Variants in ASB18 observed in about 807,000 individuals in gnomAD.
The protein encoded by ASB18 is ankyrin repeat and SOCS box protein 18.
Under a neutral mutation model 33.4 loss-of-function variants are expected in ASB18, and 33 were observed. The observed-to-expected ratio is 0.99, with a 90% confidence interval of 0.75 to 1.32. ASB18 has a LOEUF of 1.32. Ranked by LOEUF, ASB18 falls within the 40% of genes most tolerant of loss-of-function variation. The pLI, the probability that ASB18 is intolerant of heterozygous loss-of-function variation, is 0.00. For synonymous variants in ASB18, 295 were observed against 307.6 expected, an observed-to-expected ratio of 0.96 and a Z score of 0.43; for missense variants, 694 against 655.5, an observed-to-expected ratio of 1.06 and a Z score of -0.64.
chr2:236,234,728 T>C lies in ASB18; in HGVS notation c.596+2961A>G, dbSNP rs115173261. ...CTAACAGTGCTGGAACTGTCAGATA[T>C]CCACATGCAAAAATAAATAAAAAAG... On this transcript the variant is annotated intron_variant, in intron 3 of 5. Transcript: ENST00000409749. This position sits in a 1 kb window ranked among gnomAD's most constrained non-coding sequence, Gnocchi z 4.1. Among the ~76,000 whole-genome samples the C allele has an allele frequency of 7.1e-3, 1,074 of 152,300 alleles. 12 individuals carry two copies. Among genetic ancestry groups the C allele is most frequent in the African/African-American group, 0.024 (1,012 of 41,544 alleles).
At position 236,250,040 on chromosome 2, in the gene ASB18, G is replaced by C. The variant is rs1463286733; in HGVS notation, c.206-8638C>G. On this transcript the variant is annotated intron_variant, in intron 1 of 5. Transcript: ENST00000409749. This position sits in a 1 kb window ranked among gnomAD's most constrained non-coding sequence, Gnocchi z 4.1. ...GTCCTATAGTGTAGGTAGCTAATGA[G>C]AAGGAGTTTTTGCCTCTGGATCAAA... 1 of 152,224 alleles carries C rather than the reference G, an allele frequency of 6.6e-6. No homozygotes were observed. Among genetic ancestry groups the C allele is most frequent in the Admixed American group, 6.5e-5 (1 of 15,286 alleles). The allele number at this position is 152,224 out of a possible 1,614,324, so 9.4% of individuals were successfully genotyped here.
intron 3 of ASB18, among the ~76,000 whole-genome samples, chr2:236,230,008 A>G (rs2060557310): frequency 6.6e-6 from 1 of 152,160 alleles, no homozygotes; most frequent in Admixed American, 6.5e-5. Context: ...CAGCAAAACA[A>G]GACCTCAACT....
rs1017338730 is a variant in ASB18, at chr2:236,255,215, C to T, written c.205+8926G>A. The stretch of plus-strand genomic sequence containing the variant: ...CCTGAGTGCAGTAGCGCGATCTTGG[C>T]TCACTGCAACCTCCTCCTCCCAGGT... On this transcript the variant is annotated intron_variant, in intron 1 of 5. Transcript: ENST00000409749. The surrounding 1 kb of genome is among the most constrained non-coding windows in gnomAD (Gnocchi z 4.4). Among the ~76,000 whole-genome samples, 3 of 152,136 alleles carry T rather than the reference C, an allele frequency of 2.0e-5. No individual in the cohort carries two copies. The highest frequency in any genetic ancestry group is 2.0e-4 in the Admixed American group (3 of 15,282).
At chr2:236,242,255 A>C (rs1451404332) in intron 1 of ASB18, among the ~76,000 whole-genome samples, 1 of 152,164 alleles carries the variant, frequency 6.6e-6, no homozygotes, top group Non-Finnish European at 1.5e-5. Context: ...TTCCAGTTGC[A>C]TCAGGTAGGA....
rs764945709 is a variant in ASB18 at position 236,196,164 on chromosome 2, T to G, written c.1215+108A>C. ...ACCCTCATTTCCCATTCTTCCTTTT[T>G]CAGATGTATAATACTTAGCCGAATA... On this transcript the variant is annotated intron_variant, in intron 5 of 5. Transcript: ENST00000409749. This position sits in a 1 kb window ranked among gnomAD's most constrained non-coding sequence, Gnocchi z 5.6. 5 of 722,366 alleles carry G rather than the reference T, an allele frequency of 6.9e-6. No homozygotes were observed. The highest frequency in any genetic ancestry group is 1.3e-5 in the Non-Finnish European group (5 of 390,842). 44.7% of individuals were successfully genotyped at this position (722,366 alleles called of 1,614,324 possible).
intron 1 of ASB18, among the ~76,000 whole-genome samples, chr2:236,243,669 A>G (rs1054999482): frequency 7.4e-6 from 1 of 135,110 alleles, no homozygotes; most frequent in Non-Finnish European, 1.6e-5. Flanking sequence ...CCCTTGCTGA[A>G]GATGAGTAAT....
Position 236,214,840 on chromosome 2 carries a change from C to T in ASB18, c.623G>A (p.Gly208Glu), listed in dbSNP as rs1576398671. 1 of 1,212,896 alleles carries T rather than the reference C, an allele frequency of 8.2e-7. No homozygotes were observed. Among genetic ancestry groups the T allele is most frequent in the Non-Finnish European group, 1.0e-6 (1 of 975,542 alleles). The allele number at this position is 1,212,896 out of a possible 1,614,324, so 75.1% of individuals were successfully genotyped here. A position where few individuals can be genotyped will look rare whatever the true frequency, so the allele number is the denominator to read the frequency against. ...GCCGCCCACGCGCTGCACCGAGGCC[C>T]CGTGCTCCAGCAGCGCCTGCGCGCA... ...LGCAQALLEH[G>E]ASVQRVGGTG... Residue 208 changes from glycine to glutamate, a missense_variant, in exon 4 of 6, where the codon GGG becomes GAG. Coordinates refer to ENST00000409749, the MANE Select transcript of ASB18 (RefSeq NM_212556.4). The surrounding 1 kb of genome is among the most constrained non-coding windows in gnomAD (Gnocchi z 6.5).
rs769358343 is a variant in ASB18, at chr2:236,249,086, T to C, written c.206-7684A>G. 3.3e-5 allele frequency: 5 copies of C among 152,244 alleles called. No individual in the cohort carries two copies. Among genetic ancestry groups the C allele is most frequent in the Non-Finnish European group, 7.3e-5 (5 of 68,044 alleles). 9.4% of individuals were successfully genotyped at this position (152,244 alleles called of 1,614,324 possible). The stretch of plus-strand genomic sequence containing the variant: ...AAATGCAGCAAATTATTTGAAAACA[T>C]TCAAAGCATGTCTGTACAGTAAGAG... On this transcript the variant is annotated intron_variant, in intron 1 of 5. Coordinates refer to ENST00000409749, the MANE Select transcript of ASB18 (RefSeq NM_212556.4). The surrounding 1 kb of genome is among the most constrained non-coding windows in gnomAD (Gnocchi z 4.6).
rs563099110 is a variant in ASB18 at position 236,213,266 on chromosome 2, G to A, written c.1101+1096C>T. Among the ~76,000 whole-genome samples, 2 of 152,136 alleles carry A rather than the reference G, an allele frequency of 1.3e-5. No individual in the cohort carries two copies. Among genetic ancestry groups the A allele is most frequent in the Admixed American group, 1.3e-4 (2 of 15,296 alleles). Reference sequence around the variant, plus strand: ...TGTCAAGTGAGCAAACACTAGGGGAGTTGTCTCGGGGGATTTTCTAACCTT... The same window carrying A: ...TGTCAAGTGAGCAAACACTAGGGGAATTGTCTCGGGGGATTTTCTAACCTT... On this transcript the variant is annotated intron_variant, in intron 4 of 5. Coordinates refer to ENST00000409749, the MANE Select transcript of ASB18 (RefSeq NM_212556.4). This position sits in a 1 kb window ranked among gnomAD's most constrained non-coding sequence, Gnocchi z 4.8.
Position 236,264,313 on chromosome 2 carries a change from T to C in ASB18, c.33A>G (p.Pro11=). ...ATCTCTTCACTAAATCTGAGTTGAG[T>C]GGGTAGTCGGGAAGGTAATCCGAGT... MSNSDYLPDY[P]LNSDLVKRLK... The change falls in exon 1 of 6, where the codon CCA becomes CCG. Residue 11 remains proline, a synonymous_variant. Transcript: ENST00000409749. The surrounding 1 kb of genome is among the most constrained non-coding windows in gnomAD (Gnocchi z 5.1). The C allele has an allele frequency of 1.2e-6, 2 of 1,613,922 alleles. No homozygotes were observed. Among genetic ancestry groups the C allele is most frequent in the South Asian group, 2.2e-5 (2 of 91,076 alleles).
Position 236,252,099 on chromosome 2 carries a change from C to G in ASB18, c.206-10697G>C, listed in dbSNP as rs550691644. 1.2e-3 allele frequency among the ~76,000 whole-genome samples: 180 copies of G among 152,224 alleles called. 3 individuals carry two copies. Among genetic ancestry groups the G allele is most frequent in the South Asian group, 1.7e-3 (8 of 4,824 alleles). On this transcript the variant is annotated intron_variant, in intron 1 of 5. Coordinates refer to ENST00000409749, the MANE Select transcript of ASB18 (RefSeq NM_212556.4). This position sits in a 1 kb window ranked among gnomAD's most constrained non-coding sequence, Gnocchi z 7.9. ...CAGGCTGACCAACAGGGTAAAACCC[C>G]GTCTCTACTAAAAGTACAAAAATCA...
In ASB18 at chr2:236,226,261, G is replaced by C. The variant is rs567939620; in HGVS notation, c.597-11395C>G. 1.3e-5 allele frequency among the ~76,000 whole-genome samples: 2 copies of C among 152,264 alleles called. No individual in the cohort carries two copies. The highest frequency in any genetic ancestry group is 1.9e-4 in the East Asian group (1 of 5,186). On this transcript the variant is annotated intron_variant, in intron 3 of 5. Transcript: ENST00000409749. This position sits in a 1 kb window ranked among gnomAD's most constrained non-coding sequence, Gnocchi z 4.8. ...TCCATTATCATCATTGATATTGAAG[G>C]GATTCTAAGTCAGCTGTTACAGAGT...
chr2:236,217,422 A>AT lies in ASB18; in HGVS notation c.597-2557_597-2556insA, dbSNP rs1559330736. 3.2e-4 allele frequency among the ~76,000 whole-genome samples: 39 copies of AT among 123,406 alleles called. No individual in the cohort carries two copies. The highest frequency in any genetic ancestry group is 1.6e-3 in the African/African-American group (37 of 23,534). The allele number at this position is 123,406 out of a possible 152,430, so 81.0% of individuals were successfully genotyped here. On this transcript the variant is annotated intron_variant, in intron 3 of 5. Transcript: ENST00000409749. This position sits in a 1 kb window ranked among gnomAD's most constrained non-coding sequence, Gnocchi z 5.2. ...AGCGAGACTCTGTCTCAAAAAAAAA[A>AT]AAAAATAAATCTTGGCACCTTCAAC... is the stretch of plus-strand genomic sequence containing the variant.
rs1167858029 is a variant in ASB18, at chr2:236,263,543, C to CA, written c.205+597dup. On this transcript the variant is annotated intron_variant, in intron 1 of 5. Transcript: ENST00000409749. The surrounding 1 kb of genome is among the most constrained non-coding windows in gnomAD (Gnocchi z 4.0). ...AAACAATTTGGAACCAATTTAGAAA[C>CA]AATACAATTTGAAAAAATGTTATGT... 6.6e-6 allele frequency among the ~76,000 whole-genome samples: 1 copy of CA among 152,016 alleles called. No homozygotes were observed. The highest frequency in any genetic ancestry group is 2.4e-5 in the African/African-American group (1 of 41,350).
intron 1 of ASB18, among the ~76,000 whole-genome samples, chr2:236,247,153 G>A (rs991994223): frequency 5.7e-5 from 8 of 139,710 alleles, no homozygotes; most frequent in South Asian, 2.3e-4. Flanking sequence ...TGGTGACAGC[G>A]TTAAAAATAG....
Position 236,196,847 on chromosome 2 carries a change from T to C in ASB18, c.1102-462A>G, listed in dbSNP as rs1231935510. On this transcript the variant is annotated intron_variant, in intron 4 of 5. Transcript: ENST00000409749. The surrounding 1 kb of genome is among the most constrained non-coding windows in gnomAD (Gnocchi z 5.6). The stretch of plus-strand genomic sequence containing the variant: ...TTGGGGAAGAGGAATTGTTTTGCTG[T>C]TGAATTTCCTCTTGACTTGGCATTT... Among the ~76,000 whole-genome samples the C allele has an allele frequency of 2.0e-5, 3 of 152,252 alleles. No homozygotes were observed. The highest frequency in any genetic ancestry group is 2.0e-4 in the Admixed American group (3 of 15,286).
chr2:236,214,842 G>T lies in ASB18; in HGVS notation c.621C>A (p.His207Gln). The change falls in exon 4 of 6, where the codon CAC becomes CAA. Residue 207 changes from histidine (H) to glutamine (Q), a missense_variant. By Grantham distance (24) the His-to-Gln change is conservative. Transcript: ENST00000409749. The surrounding 1 kb of genome is among the most constrained non-coding windows in gnomAD (Gnocchi z 6.5). Reference protein sequence around the residue: ...SLGCAQALLEHGASVQRVGGT... With the variant: ...SLGCAQALLEQGASVQRVGGT... Reference sequence around the variant, plus strand: ...CGCCCACGCGCTGCACCGAGGCCCCGTGCTCCAGCAGCGCCTGCGCGCACC... The same window carrying T: ...CGCCCACGCGCTGCACCGAGGCCCCTTGCTCCAGCAGCGCCTGCGCGCACC... 2 of 1,212,714 alleles carry T rather than the reference G, an allele frequency of 1.6e-6. No homozygotes were observed. The highest frequency in any genetic ancestry group is 6.7e-5 in the East Asian group (2 of 29,730). The allele number at this position is 1,212,714 out of a possible 1,614,324, so 75.1% of individuals were successfully genotyped here.
rs1209675822 is a variant in ASB18, at chr2:236,216,679, A to G, written c.597-1813T>C. On this transcript the variant is annotated intron_variant, in intron 3 of 5. Transcript: ENST00000409749. This position sits in a 1 kb window ranked among gnomAD's most constrained non-coding sequence, Gnocchi z 6.1. ...TCTCGGAATGCTTATAAGTCTCTTC[A>G]TTTGCCCCTTGCTGCAATCTAGCAA... Among the ~76,000 whole-genome samples the G allele has an allele frequency of 6.6e-6, 1 of 152,090 alleles. No individual in the cohort carries two copies. Among genetic ancestry groups the G allele is most frequent in the Non-Finnish European group, 1.5e-5 (1 of 68,014 alleles).
chr2:236,212,744 C>T (rs561601564), intron 4 of ASB18, among the ~76,000 whole-genome samples: 153 of 152,186 alleles, frequency 1.0e-3, no homozygotes, highest in Non-Finnish European at 2.0e-3. Context: ...CCTGCCTCAG[C>T]CTCCTGAGTA....
Sources: gnomAD v4.1 joint callset for allele counts (sites outside exome capture counted in the v4.1 genomes callset) on GRCh38, gnomAD v4.1.1 for gene constraint, Gnocchi (gnomAD v3.1) non-coding constraint, MANE v1.5 for transcripts, NCBI Gene and HGNC (gene_info 2026-07-23, HGNC 2026-07-21) for gene names.